Variants in SLC12A7 observed in about 807,000 individuals in gnomAD.
The protein encoded by SLC12A7 is K-Cl cotransporter 4.
Under a neutral mutation model 120.6 loss-of-function variants are expected in SLC12A7, and 100 were observed. The ratio of observed to expected loss-of-function variants is 0.83; its 90% CI spans 0.71 to 0.98. The LOEUF (loss-of-function observed/expected upper bound fraction) is 0.98, where lower values mean the gene tolerates loss of function less well. Ranked by LOEUF, SLC12A7 falls within the 50% of genes least tolerant of loss-of-function variation. SLC12A7 has a pLI of 0.00. For missense variants in SLC12A7, 1,373 were observed against 1,548.1 expected (o/e 0.89, Z 1.90); for synonymous variants, 760 against 678.0 (o/e 1.12, Z -1.88).
At chr5:1,092,938 C>T (rs916291081) in intron 3 of SLC12A7, among the ~76,000 whole-genome samples, 4 of 152,100 alleles carry the variant, frequency 2.6e-5, no homozygotes, top group Middle Eastern at 3.2e-3. Flanking sequence ...TCAGGCAACC[C>T]GTCTGTACAG....
chr5:1,077,766 C>T, intron 12 of SLC12A7, 67 bp downstream of exon 12: 5 of 1,444,544 alleles, frequency 3.5e-6, no homozygotes, highest in Non-Finnish European at 4.6e-6. Flanking sequence ...CTGTGAGGAT[C>T]CCGCAGGGGA....
At chr5:1,144,298 T>C in the SLC12A7 span, among the ~76,000 whole-genome samples, 1 of 152,184 alleles carries the variant, frequency 6.6e-6, no homozygotes, top group East Asian at 1.9e-4. Context: ...GGGGCCCACG[T>C]CCCGGGCTCC....
chr5:1,133,119 T>C, the SLC12A7 span, among the ~76,000 whole-genome samples: 1 of 152,200 alleles, frequency 6.6e-6, no homozygotes, highest in Non-Finnish European at 1.5e-5. Flanking sequence ...TTTCACCATG[T>C]TGGCCAGGCT....
At chr5:1,144,193 C>T in the SLC12A7 span, among the ~76,000 whole-genome samples, 1 of 152,164 alleles carries the variant, frequency 6.6e-6, no homozygotes, top group Non-Finnish European at 1.5e-5. Context: ...GACGCACCCG[C>T]CAACCTCAGG....
At chr5:1,131,126 T>A in the SLC12A7 span, among the ~76,000 whole-genome samples, 3 of 152,204 alleles carry the variant, frequency 2.0e-5, no homozygotes, top group East Asian at 5.8e-4. Context: ...AGCGCCTGTA[T>A]TCGCAGGGAC....
intron 2 of SLC12A7, 46 bp from the exon 3 acceptor site, chr5:1,093,701 G>C (rs750340180): frequency 2.5e-6 from 4 of 1,605,034 alleles, no homozygotes; most frequent in Non-Finnish European, 3.4e-6. Flanking sequence ...CCTCGCCGTG[G>C]GCCCCCCGAC....
At chr5:1,054,253 C>T (rs939149287) in intron 22 of SLC12A7, among the ~76,000 whole-genome samples, 1 of 152,248 alleles carries the variant, frequency 6.6e-6, no homozygotes, top group Non-Finnish European at 1.5e-5. Flanking sequence ...TGCTCCACGA[C>T]CCTCCCTGTC....
intron 20 of SLC12A7, among the ~76,000 whole-genome samples, chr5:1,063,471 C>T (rs1230010824): frequency 1.3e-5 from 2 of 152,154 alleles, no homozygotes; most frequent in African/African-American, 4.8e-5. Context: ...AGGGCAACAC[C>T]CACACCCGTG....
At chr5:1,066,559 C>T (rs1737076341) in intron 17 of SLC12A7, among the ~76,000 whole-genome samples, 1 of 152,178 alleles carries the variant, frequency 6.6e-6, no homozygotes, top group Non-Finnish European at 1.5e-5. Context: ...GCATCCCAGC[C>T]CCAGGAACCT....
the SLC12A7 span, among the ~76,000 whole-genome samples, chr5:1,135,064 C>T: frequency 6.6e-6 from 1 of 151,910 alleles, no homozygotes; most frequent in African/African-American, 2.4e-5. Context: ...GAGGCAGAGG[C>T]TGCAGTGAGC....
At chr5:1,095,502 G>T (rs926992240) in intron 1 of SLC12A7, among the ~76,000 whole-genome samples, 3 of 152,240 alleles carry the variant, frequency 2.0e-5, no homozygotes, top group Non-Finnish European at 4.4e-5. Context: ...CCCAGACTGG[G>T]AACGACCAAG....
intron 4 of SLC12A7, among the ~76,000 whole-genome samples, 166 bp from the exon 5 acceptor site, chr5:1,088,526 C>T (rs143063381): frequency 2.3e-3 from 346 of 152,328 alleles, no homozygotes; most frequent in Middle Eastern, 6.8e-3. Flanking sequence ...TGGAGGCTCC[C>T]GGGCACCAGG....
At chr5:1,091,311 C>A (rs1301365764) in intron 3 of SLC12A7, among the ~76,000 whole-genome samples, 1 of 152,184 alleles carries the variant, frequency 6.6e-6, no homozygotes, top group East Asian at 1.9e-4. Context: ...GTGAGAGAAG[C>A]TGGGGTGTGC....
At chr5:1,095,812 TG>T (rs925607817) in intron 1 of SLC12A7, among the ~76,000 whole-genome samples, 2 of 152,172 alleles carry the variant, frequency 1.3e-5, no homozygotes, top group African/African-American at 2.4e-5. Context: ...CATCGCCGTC[TG>T]GGGGCAGGCG....
chr5:1,064,040 G>C, intron 19 of SLC12A7, 43 bp downstream of exon 19: 12 of 1,601,434 alleles, frequency 7.5e-6, no homozygotes, highest in Non-Finnish European at 1.0e-5. Flanking sequence ...CAGCACGTGG[G>C]GTGGCCGTGC....
chr5:1,082,709 C>CTA, intron 8 of SLC12A7, among the ~76,000 whole-genome samples: 1 of 145,142 alleles, frequency 6.9e-6, no homozygotes, highest in South Asian at 2.3e-4. Context: ...CTTCCCATCT[C>CTA]GGGTTCTGGA....
chr5:1,153,504 G>A, the SLC12A7 span, among the ~76,000 whole-genome samples: 1 of 152,226 alleles, frequency 6.6e-6, no homozygotes, highest in African/African-American at 2.4e-5. Context: ...TCCCTAGAAA[G>A]GAGAATGAGG....
At chr5:1,091,534 A>C (rs143209236) in intron 3 of SLC12A7, among the ~76,000 whole-genome samples, 306 of 152,304 alleles carry the variant, frequency 2.0e-3, no homozygotes, top group Non-Finnish European at 3.2e-3. Flanking sequence ...CAGACAGGGA[A>C]GGCCTGTGGC....
chr5:1,088,937 G>T (rs764782019), intron 4 of SLC12A7, 45 bp downstream of exon 4: 2 of 1,609,916 alleles, frequency 1.2e-6, no homozygotes, highest in South Asian at 2.2e-5. Context: ...CTGTCCAGCT[G>T]CCACCGCCCG....
Sources: gnomAD v4.1 joint callset for allele counts (sites outside exome capture counted in the v4.1 genomes callset) on GRCh38, gnomAD v4.1.1 for gene constraint, MANE v1.5 for transcripts, NCBI Gene and HGNC (gene_info 2026-07-23, HGNC 2026-07-21) for gene names.